Variants in ASIC2 observed in about 807,000 individuals in gnomAD.
ASIC2 encodes the protein acid sensing ion channel subunit 2, also known as acid-sensing ion channel 2.
Under a neutral mutation model 57.3 loss-of-function variants are expected in ASIC2, and 25 were observed. The ratio of observed to expected loss-of-function variants is 0.44; its 90% confidence interval spans 0.32 to 0.61. The LOEUF is 0.61. Ranked by LOEUF, ASIC2 falls within the 20% of genes least tolerant of loss-of-function variation. ASIC2 has a pLI of 0.06. For missense variants in ASIC2, 641 were observed against 738.1 expected, an observed-to-expected ratio of 0.87 and a Z score of 1.52; for synonymous variants, 319 against 307.5, an observed-to-expected ratio of 1.04 and a Z score of -0.39.
chr17:33,684,438 T>C (rs767048864), intron 1 of ASIC2, among the ~76,000 whole-genome samples: 8 of 151,820 alleles, frequency 5.3e-5, no homozygotes, highest in Non-Finnish European at 8.8e-5. Flanking sequence ...GGTTCTTCTT[T>C]GCAGGACATC....
At chr17:33,855,267 G>A (rs1913891069) in intron 1 of ASIC2, among the ~76,000 whole-genome samples, 1 of 152,128 alleles carries the variant, frequency 6.6e-6, no homozygotes, top group African/African-American at 2.4e-5. Flanking sequence ...ACCCTGCTCT[G>A]CCCCCTCAAC....
At chr17:33,416,846 C>T (rs1222323039) in intron 1 of ASIC2, among the ~76,000 whole-genome samples, 3 of 152,170 alleles carry the variant, frequency 2.0e-5, no homozygotes, top group Non-Finnish European at 4.4e-5. Context: ...GCCCGCTCAT[C>T]TGTGAAAGGT....
intron 1 of ASIC2, among the ~76,000 whole-genome samples, chr17:33,481,421 G>A (rs1016324309): frequency 6.6e-5 from 10 of 152,202 alleles, no homozygotes; most frequent in Non-Finnish European, 7.3e-5. Flanking sequence ...AAATTAACCT[G>A]TGTTTGTGCT....
intron 1 of ASIC2, among the ~76,000 whole-genome samples, chr17:33,255,028 CTT>C (rs1173076413): frequency 7.2e-4 from 53 of 73,986 alleles, no homozygotes; most frequent in African/African-American, 2.5e-3. Context: ...AGAAAGAAAT[CTT>C]TTTTTTTTTT....
intron 1 of ASIC2, among the ~76,000 whole-genome samples, chr17:34,027,333 A>AT (rs1049352352): frequency 2.6e-5 from 4 of 152,154 alleles, no homozygotes; most frequent in African/African-American, 9.7e-5. Flanking sequence ...TTTTGCAATC[A>AT]TTTAAGTTCG....
rs182167999 is a variant in ASIC2 at position 34,049,303 on chromosome 17, A to G, written c.555+106675T>C. On this transcript the variant is annotated intron_variant, in intron 1 of 9. Transcript: ENST00000359872. ...AGCAAGACCCTGTCTCAAAACAAAC[A>G]AACAAACAAACAAGAAATATGTTGT... Among the ~76,000 whole-genome samples the G allele has an allele frequency of 4.6e-5, 7 of 152,236 alleles. No individual in the cohort carries two copies. The East Asian group carries it at 1.4e-3, about 29-fold the overall frequency.
intron 1 of ASIC2, among the ~76,000 whole-genome samples, chr17:33,602,079 G>A (rs1597803720): frequency 6.6e-6 from 1 of 152,106 alleles, no homozygotes; most frequent in African/African-American, 2.4e-5. Flanking sequence ...TTTATCTCAG[G>A]ACAAATCCTT....
intron 1 of ASIC2, among the ~76,000 whole-genome samples, chr17:33,415,331 A>G (rs369012474): frequency 8.5e-5 from 13 of 152,134 alleles, no homozygotes. Flanking sequence ...ATATACTCTA[A>G]ATTATCTCTA....
chr17:34,104,599 G>A (rs1330075101), intron 1 of ASIC2, among the ~76,000 whole-genome samples: 3 of 151,958 alleles, frequency 2.0e-5, no homozygotes, highest in African/African-American at 7.2e-5. Context: ...TCTTGCACAT[G>A]CTCTCTATCA....
intron 1 of ASIC2, among the ~76,000 whole-genome samples, chr17:33,990,549 G>C (rs1274147626): frequency 6.6e-6 from 1 of 152,166 alleles, no homozygotes; most frequent in East Asian, 1.9e-4. Flanking sequence ...TAAATGTTAA[G>C]TTAGTTGGCT....
In ASIC2 at chr17:33,383,334, A is replaced by C. The variant is rs1344618801; in HGVS notation, c.556-271267T>G. On this transcript the variant is annotated intron_variant, in intron 1 of 9. Transcript: ENST00000359872. ...TGGGTGTCTATATCTTGGAGGGAAAACCATGCCTTGTCTTCTTGGAAATAT... is the reference window on the plus strand; with the variant it reads ...TGGGTGTCTATATCTTGGAGGGAAACCCATGCCTTGTCTTCTTGGAAATAT... Among the ~76,000 whole-genome samples the C allele has an allele frequency of 2.0e-5, 3 of 152,132 alleles. No homozygotes were observed. In the South Asian group the frequency reaches 6.2e-4, roughly 32 times the overall value.
chr17:33,143,680 A>G (rs1191280373), intron 1 of ASIC2, among the ~76,000 whole-genome samples: 3 of 152,208 alleles, frequency 2.0e-5, no homozygotes, highest in African/African-American at 7.2e-5. Context: ...AACAGAAAAA[A>G]TAGTTTCCAT....
At chr17:34,128,695 A>C (rs922629170) in intron 1 of ASIC2, among the ~76,000 whole-genome samples, 2 of 152,220 alleles carry the variant, frequency 1.3e-5, no homozygotes, top group African/African-American at 4.8e-5. Flanking sequence ...CTTTAAATGA[A>C]GCATTTCTTG....
intron 1 of ASIC2, among the ~76,000 whole-genome samples, chr17:33,126,554 G>T (rs906434661): frequency 1.3e-5 from 2 of 152,140 alleles, no homozygotes; most frequent in Non-Finnish European, 2.9e-5. Flanking sequence ...GGAGGCTGAG[G>T]TGGGGAGATC....
intron 1 of ASIC2, among the ~76,000 whole-genome samples, chr17:33,919,446 G>A (rs1915661695): frequency 6.6e-6 from 1 of 152,134 alleles, no homozygotes; most frequent in African/African-American, 2.4e-5. Context: ...AATAGTGCTG[G>A]GATAACTGTC....
intron 1 of ASIC2, among the ~76,000 whole-genome samples, chr17:34,141,364 A>G (rs1037403812): frequency 6.6e-6 from 1 of 152,182 alleles, no homozygotes; most frequent in Non-Finnish European, 1.5e-5. Flanking sequence ...TGCAACACCT[A>G]TATGTTTGAA....
chr17:33,374,325 A>AT (rs1453292229), intron 1 of ASIC2, among the ~76,000 whole-genome samples: 3 of 152,018 alleles, frequency 2.0e-5, no homozygotes, highest in Non-Finnish European at 2.9e-5. Context: ...TTAGACTTGC[A>AT]TTTTGGCAAC....
At chr17:33,684,548 C>A (rs965007338) in intron 1 of ASIC2, among the ~76,000 whole-genome samples, 1 of 152,180 alleles carries the variant, frequency 6.6e-6, no homozygotes, top group African/African-American at 2.4e-5. Context: ...GAAGAAACAA[C>A]TTTTTAAATA....
At chr17:33,395,557 G>T (rs576338883) in intron 1 of ASIC2, among the ~76,000 whole-genome samples, 1 of 152,236 alleles carries the variant, frequency 6.6e-6, no homozygotes, top group South Asian at 2.1e-4. Flanking sequence ...GATGAGATTT[G>T]GGTGGAGACA....
Sources: gnomAD v4.1 joint callset for allele counts (sites outside exome capture counted in the v4.1 genomes callset) on GRCh38, gnomAD v4.1.1 for gene constraint, MANE v1.5 for transcripts, NCBI Gene and HGNC (gene_info 2026-07-23, HGNC 2026-07-21) for gene names.